The following BBX variants were observed in gnomAD, a reference collection of about 807,000 sequenced individuals.
The protein encoded by BBX is HMG box transcription factor BBX.
A neutral mutation model predicts 100.2 loss-of-function variants in BBX; 30 were observed. The observed-to-expected ratio is 0.30, with a 90% confidence interval of 0.22 to 0.41. BBX has a LOEUF of 0.41. BBX is among the 10% of genes least tolerant of loss of function. BBX has a pLI of 1.00. For synonymous variants in BBX, 376 were observed against 388.1 expected, an observed-to-expected ratio of 0.97 and a Z score of 0.37; for missense variants, 1,023 against 1,129.8, an observed-to-expected ratio of 0.91 and a Z score of 1.35.
At chr3:107,649,676 C>G (rs1576170594) in intron 3 of BBX, among the ~76,000 whole-genome samples, 1 of 152,194 alleles carries the variant, frequency 6.6e-6, no homozygotes, top group African/African-American at 2.4e-5. Flanking sequence ...TGTCCACACA[C>G]CTGCCAAGGG....
intron 2 of BBX, among the ~76,000 whole-genome samples, chr3:107,579,063 G>C (rs631757): frequency 0.091 from 13,791 of 152,122 alleles, 772 homozygotes; most frequent in Non-Finnish European, 0.12. Context: ...TAATGAGAGG[G>C]ATTACCCATA....
At chr3:107,597,289 A>G (rs1209337434) in intron 2 of BBX, among the ~76,000 whole-genome samples, 1 of 152,140 alleles carries the variant, frequency 6.6e-6, no homozygotes, top group Non-Finnish European at 1.5e-5. Context: ...TCTATTGATT[A>G]CCCTATCATA....
At chr3:107,755,975 CTG>C (rs2065443794) in intron 10 of BBX, among the ~76,000 whole-genome samples, 1 of 152,120 alleles carries the variant, frequency 6.6e-6, no homozygotes, top group South Asian at 2.1e-4. Context: ...AGAAGAGTAT[CTG>C]TGGTTATTTT....
intron 2 of BBX, among the ~76,000 whole-genome samples, chr3:107,589,050 A>G (rs906695728): frequency 2.0e-5 from 3 of 152,202 alleles, no homozygotes; most frequent in African/African-American, 7.2e-5. Flanking sequence ...CTGTCATTTA[A>G]CCTGCCCCAT....
intron 3 of BBX, among the ~76,000 whole-genome samples, chr3:107,657,774 G>A (rs2058232390): frequency 6.6e-6 from 1 of 151,982 alleles, no homozygotes; most frequent in African/African-American, 2.4e-5. Context: ...TTTGAGATGA[G>A]GTTTGGTAGA....
chr3:107,799,565 A>T (rs1198566371), intron 16 of BBX, among the ~76,000 whole-genome samples: 70 of 152,264 alleles, frequency 4.6e-4, no homozygotes, highest in African/African-American at 1.5e-3. Flanking sequence ...AAGATACTAG[A>T]TGAATCAGTA....
At chr3:107,595,763 A>C (rs1021846209) in intron 2 of BBX, among the ~76,000 whole-genome samples, 3 of 152,142 alleles carry the variant, frequency 2.0e-5, no homozygotes, top group Non-Finnish European at 2.9e-5. Flanking sequence ...TCTAAAAATA[A>C]ATTTCACAAA....
chr3:107,774,011 C>A lies in BBX; in HGVS notation c.1915+375C>A, dbSNP rs150385394. Among the ~76,000 whole-genome samples the A allele has an allele frequency of 6.2e-3, 943 of 152,244 alleles. 9 individuals carry two copies. The highest frequency in any genetic ancestry group is 0.021 in the African/African-American group (889 of 41,540). ...ATCAAGCACGTATGTTTGTCAGAAT[C>A]TTCACCTGTAGGCTCTAGAAGCAAC... On this transcript the variant is annotated intron_variant, in intron 11 of 17. Transcript: ENST00000325805.
chr3:107,772,588 A>G lies in BBX; in HGVS notation c.907-40A>G. On this transcript the variant is annotated intron_variant, in intron 10 of 17. Transcript: ENST00000325805. ...TAATTTTGAAGGTGGAATAATAAGG[A>G]TACTTTCGGGTGCTCTCCCATTTTG... 2 of 1,521,426 alleles carry G rather than the reference A, an allele frequency of 1.3e-6. 1 individual carries two copies. The highest frequency in any genetic ancestry group is 3.6e-4 in the Middle Eastern group (2 of 5,486). 94.2% of individuals were successfully genotyped at this position (1,521,426 alleles called of 1,614,324 possible).
At chr3:107,659,228 C>T (rs565893857) in intron 3 of BBX, among the ~76,000 whole-genome samples, 26 of 151,758 alleles carry the variant, frequency 1.7e-4, no homozygotes, top group Non-Finnish European at 1.5e-4. Flanking sequence ...TAGATTTGGC[C>T]GTTAACATTT....
intron 10 of BBX, among the ~76,000 whole-genome samples, chr3:107,771,176 G>T (rs1279918357): frequency 3.3e-5 from 5 of 152,036 alleles, no homozygotes; most frequent in Non-Finnish European, 4.4e-5. Flanking sequence ...AAGGCAGACA[G>T]ACCTGACCTT....
intron 3 of BBX, among the ~76,000 whole-genome samples, chr3:107,703,346 A>G (rs2061199424): frequency 6.6e-6 from 1 of 152,170 alleles, no homozygotes; most frequent in Non-Finnish European, 1.5e-5. Flanking sequence ...TTTCCTCCTC[A>G]AGCCACCTCT....
At chr3:107,647,148 A>G (rs1230296661) in intron 3 of BBX, among the ~76,000 whole-genome samples, 1 of 152,182 alleles carries the variant, frequency 6.6e-6, no homozygotes. Flanking sequence ...ACAGTTAATT[A>G]TGGTTTTACT....
intron 2 of BBX, among the ~76,000 whole-genome samples, chr3:107,572,673 A>G (rs944603517): frequency 8.5e-5 from 13 of 152,216 alleles, no homozygotes; most frequent in African/African-American, 1.7e-4. Context: ...CATATAAATT[A>G]TCAACCCTCA....
At chr3:107,739,047 G>A (rs2063870369) in intron 7 of BBX, among the ~76,000 whole-genome samples, 1 of 152,166 alleles carries the variant, frequency 6.6e-6, no homozygotes, top group Non-Finnish European at 1.5e-5. Context: ...TTGGATAAAG[G>A]AATGATTATG....
At chr3:107,795,613 CTTT>C (rs1158136233) in intron 15 of BBX, among the ~76,000 whole-genome samples, 2 of 60,000 alleles carry the variant, frequency 3.3e-5, no homozygotes, top group African/African-American at 7.3e-5. Flanking sequence ...CCGACGTAGT[CTTT>C]TTTTTTTTTT....
At chr3:107,660,422 A>G (rs1324465712) in intron 3 of BBX, among the ~76,000 whole-genome samples, 1 of 151,320 alleles carries the variant, frequency 6.6e-6, no homozygotes, top group African/African-American at 2.4e-5. Flanking sequence ...AAAGTTGACC[A>G]GTACTTTTTG....
At chr3:107,681,230 G>A (rs1198538745) in intron 3 of BBX, among the ~76,000 whole-genome samples, 2 of 152,116 alleles carry the variant, frequency 1.3e-5, no homozygotes, top group Admixed American at 6.6e-5. Context: ...AAATATTTAC[G>A]TCCACCAAGG....
chr3:107,590,817 G>A (rs996888480), intron 2 of BBX, among the ~76,000 whole-genome samples: 1 of 152,180 alleles, frequency 6.6e-6, no homozygotes, highest in African/African-American at 2.4e-5. Context: ...ATTTTCAACA[G>A]CTATAGCAGT....
Sources: gnomAD v4.1 joint callset for allele counts (sites outside exome capture counted in the v4.1 genomes callset) on GRCh38, gnomAD v4.1.1 for gene constraint, MANE v1.5 for transcripts, NCBI Gene and HGNC (gene_info 2026-07-23, HGNC 2026-07-21) for gene names.